The following ING3 variants were observed in gnomAD, a reference collection of about 807,000 sequenced individuals.
The protein encoded by ING3 is inhibitor of growth family member 3, also known as inhibitor of growth protein 3.
ING3 carries 6 observed loss-of-function variants against 64.8 expected under a neutral mutation model. The observed-to-expected ratio is 0.09, with a 90% CI of 0.05 to 0.18. The LOEUF is 0.18. Among genes scored for constraint, ING3 ranks in the 10% least tolerant of loss-of-function variants. The probability of loss-of-function intolerance (pLI) is 1.00; values close to 1 mark genes in which losing one functional copy is unlikely to be tolerated. For missense variants in ING3, 310 were observed against 489.7 expected (o/e 0.63, Z 3.46); for synonymous variants, 170 against 173.7 (o/e 0.98, Z 0.17).
At chr7:120,967,733 T>TA (rs1796014618) in intron 7 of ING3, 85 bp downstream of exon 7, 1 of 1,395,082 alleles carries the variant, frequency 7.2e-7, no homozygotes, top group East Asian at 2.3e-5. Flanking sequence ...TAATGAATCA[T>TA]ACAGTTTCTT....
intron 10 of ING3, among the ~76,000 whole-genome samples, chr7:120,971,520 T>C (rs1196380360): frequency 6.6e-6 from 1 of 152,232 alleles, no homozygotes; most frequent in African/African-American, 2.4e-5. Flanking sequence ...GATTTGCACA[T>C]GCATGTGTGT....
At chr7:120,956,689 CAA>C (rs556253210) in intron 4 of ING3, 23 of 754,918 alleles carry the variant, frequency 3.0e-5, no homozygotes, top group Non-Finnish European at 3.4e-5. Flanking sequence ...GAATAAAAAC[CAA>C]AAAAAAAAAG....
At chr7:120,963,440 T>G (rs1287491080) in intron 4 of ING3, among the ~76,000 whole-genome samples, 1 of 144,068 alleles carries the variant, frequency 6.9e-6, no homozygotes, top group Non-Finnish European at 1.5e-5. Context: ...TGAAGAATGT[T>G]TTTCAAAAAA....
intron 2 of ING3, among the ~76,000 whole-genome samples, chr7:120,951,523 T>C (rs1795765403): frequency 6.6e-6 from 1 of 152,242 alleles, no homozygotes; most frequent in Non-Finnish European, 1.5e-5. Flanking sequence ...CATAGTTATC[T>C]ATGTTTCAAT....
At chr7:120,970,649 T>C in intron 9 of ING3, 39 bp from the exon 10 acceptor site, 1 of 1,604,532 alleles carries the variant, frequency 6.2e-7, no homozygotes, top group Non-Finnish European at 8.5e-7. Context: ...AGTTAACTTC[T>C]GGATGGTGAG....
At chr7:120,957,036 C>T (rs1446406411) in intron 4 of ING3, 2 of 258,210 alleles carry the variant, frequency 7.7e-6, no homozygotes, top group African/African-American at 2.3e-5. Context: ...CACTCTGTGC[C>T]TGAAAAAAGG....
rs185805337 is a variant in ING3 at position 120,970,674 on chromosome 7, A to G, written c.909-14A>G. On this transcript the variant is annotated splice_polypyrimidine_tract_variant and intron_variant, in intron 9 of 11. Coordinates refer to ENST00000315870, the MANE Select transcript of ING3 (RefSeq NM_019071.3). ...TGGATGGTGAGCAAATAAAACTTATACTATTTTTTTCAGAAACAACAACAA... is the reference window on the plus strand; with the variant it reads ...TGGATGGTGAGCAAATAAAACTTATGCTATTTTTTTCAGAAACAACAACAA... 9.3e-6 allele frequency: 15 copies of G among 1,612,932 alleles called. No homozygotes were observed. The East Asian group carries it at 2.5e-4, about 26-fold the overall frequency.
intron 4 of ING3, among the ~76,000 whole-genome samples, chr7:120,958,001 C>CT (rs1438601780): frequency 1.3e-5 from 2 of 152,170 alleles, no homozygotes; most frequent in African/African-American, 4.8e-5. Flanking sequence ...TTTGCTCCTT[C>CT]TTTAAGAACT....
At chr7:120,969,866 A>T (rs562087864) in intron 9 of ING3, among the ~76,000 whole-genome samples, 1 of 152,182 alleles carries the variant, frequency 6.6e-6, no homozygotes, top group Non-Finnish European at 1.5e-5. Context: ...ATTTTTTGTG[A>T]ATTAATCCCT....
At chr7:120,970,389 T>C (rs1443424267) in intron 9 of ING3, among the ~76,000 whole-genome samples, 1 of 149,514 alleles carries the variant, frequency 6.7e-6, no homozygotes, top group Non-Finnish European at 1.5e-5. Context: ...GGCGTGAACC[T>C]GGGAGGTGGA....
chr7:120,954,577 G>A (rs1021503766), intron 3 of ING3, among the ~76,000 whole-genome samples: 7 of 152,140 alleles, frequency 4.6e-5, no homozygotes, highest in African/African-American at 7.2e-5. Context: ...AACAGAAGTG[G>A]TCCTAGCTTG....
chr7:120,962,559 G>A (rs566154295), intron 4 of ING3, among the ~76,000 whole-genome samples: 34 of 151,874 alleles, frequency 2.2e-4, no homozygotes, highest in Non-Finnish European at 4.4e-4. Context: ...GTGAGTTAGG[G>A]CAAGGTGTAT....
At chr7:120,972,154 A>T (rs1197335422) in intron 10 of ING3, among the ~76,000 whole-genome samples, 1 of 151,320 alleles carries the variant, frequency 6.6e-6, no homozygotes, top group Non-Finnish European at 1.5e-5. Context: ...ATGACTGTTA[A>T]TTTTTTTTTA....
In ING3 at chr7:120,975,384, G is replaced by A. The variant is rs1304715147; in HGVS notation, c.*540G>A. 6.6e-6 allele frequency: 1 copy of A among 152,082 alleles called. No individual in the cohort carries two copies. The highest frequency in any genetic ancestry group is 1.5e-5 in the Non-Finnish European group (1 of 68,038). 9.4% of individuals were successfully genotyped at this position (152,082 alleles called of 1,614,324 possible). A position where few individuals can be genotyped will look rare whatever the true frequency, so the allele number is the denominator to read the frequency against. On this transcript the variant is annotated 3_prime_UTR_variant, in exon 12 of 12. Transcript: ENST00000315870. ...TGTGAAACTAATTCAGCAGGCTGAA[G>A]GAAATGGTTCATGTGATAATGTGGG...
intron 11 of ING3, among the ~76,000 whole-genome samples, chr7:120,973,549 C>T (rs1796096915): frequency 6.6e-6 from 1 of 152,052 alleles, no homozygotes; most frequent in Non-Finnish European, 1.5e-5. Context: ...TACTAGAATC[C>T]AGTTCATTTA....
chr7:120,955,615 A>C lies in ING3; in HGVS notation c.258A>C (p.Ile86=). The change falls in exon 4 of 12, where the codon ATA becomes ATC. Residue 86 remains isoleucine, a synonymous_variant. Transcript: ENST00000315870. ...AGAAGGTTCAGTTGGCAAACCAGAT[A>C]TATGACTTGGTAAGTAAAAGTAATG... ...ADEKVQLANQ[I]YDLVDRHLRK... 1 of 1,604,616 alleles carries C rather than the reference A, an allele frequency of 6.2e-7. No homozygotes were observed. Among genetic ancestry groups the C allele is most frequent in the Non-Finnish European group, 8.5e-7 (1 of 1,171,430 alleles).
intron 2 of ING3, among the ~76,000 whole-genome samples, chr7:120,952,816 G>C (rs1795787425): frequency 6.6e-6 from 1 of 151,640 alleles, no homozygotes; most frequent in African/African-American, 2.4e-5. Flanking sequence ...ATAATTTGGG[G>C]AAAACTTACC....
At position 120,966,690 on chromosome 7, in the gene ING3, A is replaced by C; in HGVS notation, c.429A>C (p.Pro143=). The C allele has an allele frequency of 1.2e-6, 2 of 1,611,456 alleles. No homozygotes were observed. Among genetic ancestry groups the C allele is most frequent in the Non-Finnish European group, 1.7e-6 (2 of 1,177,504 alleles). The change falls in exon 6 of 12, where the codon CCA becomes CCC. Residue 143 remains proline (P), a synonymous_variant. Transcript: ENST00000315870. ...ATCACCATGCTCATTCACATACTCC[A>C]GTGGAAAGTAAGTTTGGTGTAGTGC... ...VNNHHAHSHT[P]VEKRKYNPTS... is the part of the protein sequence containing the mutation.
At chr7:120,967,085 T>C (rs1796006409) in intron 6 of ING3, among the ~76,000 whole-genome samples, 1 of 152,198 alleles carries the variant, frequency 6.6e-6, no homozygotes, top group African/African-American at 2.4e-5. Flanking sequence ...CTTAACCTAA[T>C]GTTTGGCATA....
Sources: gnomAD v4.1 joint callset for allele counts (sites outside exome capture counted in the v4.1 genomes callset) on GRCh38, gnomAD v4.1.1 for gene constraint, MANE v1.5 for transcripts, NCBI Gene and HGNC (gene_info 2026-07-23, HGNC 2026-07-21) for gene names.